ASPM: variants seen among roughly 807,000 people sequenced by gnomAD.
The protein encoded by ASPM is abnormal spindle-like microcephaly-associated protein.
Under a neutral mutation model 366.4 loss-of-function variants are expected in ASPM, and 256 were observed. The ratio of observed to expected loss-of-function variants is 0.70; its 90% CI spans 0.63 to 0.77. ASPM has a LOEUF of 0.77. Ranked by LOEUF, ASPM falls within the 30% of genes least tolerant of loss-of-function variation. The pLI is 0.00. For synonymous variants in ASPM, 1,414 were observed against 1,342.9 expected (o/e 1.05, Z -1.16); for missense variants, 4,146 against 4,090.4 (o/e 1.01, Z -0.37).
intron 4 of ASPM, among the ~76,000 whole-genome samples, chr1:197,136,910 TTATCA>T (rs1658435900): frequency 6.6e-6 from 1 of 152,134 alleles, no homozygotes; most frequent in East Asian, 1.9e-4. Flanking sequence ...TGCCTTATAG[TTATCA>T]TATAATATCA....
chr1:197,101,263 G>A lies in ASPM; in HGVS notation c.7988C>T (p.Ala2663Val), dbSNP rs778388826. Residue 2663 changes from alanine to valine, a missense_variant, in exon 18 of 28, where the codon GCA (alanine) becomes GTA (valine). Ala to Val is a moderately conservative substitution (Grantham distance 64). Transcript: ENST00000367409. Reference sequence around the variant, plus strand: ...ACAAATAACTGCTTGGGTACGCACTGCAGTTAGTTTTCTGTATCTTCTTTG... The same window carrying A: ...ACAAATAACTGCTTGGGTACGCACTACAGTTAGTTTTCTGTATCTTCTTTG... ...SIQRRYRKLT[A>V]VRTQAVICIQ... 1 of 1,612,016 alleles carries A rather than the reference G, an allele frequency of 6.2e-7. No homozygotes were observed. Among genetic ancestry groups the A allele is most frequent in the South Asian group, 1.1e-5 (1 of 91,038 alleles).
chr1:197,143,383 C>A lies in ASPM; in HGVS notation c.869G>T (p.Arg290Ile). 6.2e-7 allele frequency: 1 copy of A among 1,613,888 alleles called. No individual in the cohort carries two copies. Residue 290 changes from arginine (R) to isoleucine (I), a missense_variant, in exon 3 of 28, where the codon AGA (arginine) becomes ATA (isoleucine). This residue lies in a region of ASPM where 512 missense variants were observed against 471.7 expected (regional missense o/e 1.09). Coordinates refer to ENST00000367409, the MANE Select transcript of ASPM (RefSeq NM_018136.5). ...SFNSVNVNGQ[R>I]GENSKLSLTP... Reference sequence around the variant, plus strand: ...AAGACTAAGTTTACTATTCTCTCCTCTTTGGCCATTAACATTTACGGAATT... The same window carrying A: ...AAGACTAAGTTTACTATTCTCTCCTATTTGGCCATTAACATTTACGGAATT...
At chr1:197,127,565 T>C (rs1294560890) in intron 10 of ASPM, among the ~76,000 whole-genome samples, 5 of 152,176 alleles carry the variant, frequency 3.3e-5, no homozygotes, top group Admixed American at 2.6e-4. Context: ...AGAAATAAAA[T>C]GAGTATCTCC....
At chr1:197,138,856 GT>G in intron 4 of ASPM, 3 of 909,224 alleles carry the variant, frequency 3.3e-6, no homozygotes, top group Non-Finnish European at 5.4e-6. Context: ...CCTTCCAGTT[GT>G]TTTTTCTCTT....
chr1:197,098,463 T>C (rs1015986490), intron 18 of ASPM, among the ~76,000 whole-genome samples: 2 of 151,784 alleles, frequency 1.3e-5, no homozygotes, highest in Admixed American at 1.3e-4. Context: ...ATTATGTAAT[T>C]ATGTAAGAGA....
At chr1:197,096,925 TAAG>T (rs961262305) in intron 18 of ASPM, among the ~76,000 whole-genome samples, 7 of 151,704 alleles carry the variant, frequency 4.6e-5, no homozygotes, top group African/African-American at 1.7e-4. Context: ...AAATTGAAAT[TAAG>T]AAGGACTTGT....
At chr1:197,089,505 A>C (rs182149101) in intron 25 of ASPM, among the ~76,000 whole-genome samples, 1 of 152,146 alleles carries the variant, frequency 6.6e-6, no homozygotes, top group African/African-American at 2.4e-5. Context: ...AAATGAATCC[A>C]AATTCAACTC....
In ASPM at chr1:197,102,451, G is replaced by C. The variant is rs368581154; in HGVS notation, c.6800C>G (p.Thr2267Ser). 6.2e-7 allele frequency: 1 copy of C among 1,612,408 alleles called. No individual in the cohort carries two copies. The highest frequency in any genetic ancestry group is 1.3e-5 in the African/African-American group (1 of 74,778). ...AGTTCTAAATCTCCTCTGAATGAGA[G>C]TTGCGGCTATATGCATCATTTTTAA... The part of the protein sequence containing the change: ...RHLKMMHIAA[T>S]LIQRRFRTLM... Residue 2267 changes from threonine to serine, a missense_variant, in exon 18 of 28, where the codon ACT becomes AGT. Physicochemically the swap from Thr to Ser is moderately conservative, Grantham distance 58. This residue lies in a region of ASPM where 3,624 missense variants were observed against 3,591.7 expected (regional missense o/e 1.01). Coordinates refer to ENST00000367409, the MANE Select transcript of ASPM (RefSeq NM_018136.5).
At chr1:197,138,639 GCCA>G (rs1658489626) in intron 4 of ASPM, 2 of 498,446 alleles carry the variant, frequency 4.0e-6, no homozygotes. Flanking sequence ...CAATAAGCAA[GCCA>G]ATTTTTAAAA....
Position 197,122,013 on chromosome 1 carries a change from C to T in ASPM, c.3772G>A (p.Ala1258Thr), listed in dbSNP as rs142214506. ...TCTTTACGAAGATCCAAAAGCCTTG[C>T]ACAAAGAAATGACAAATAGGTAATA... is the stretch of plus-strand genomic sequence containing the variant. The part of the protein sequence containing the change: ...VVITYLSFLC[A>T]RLLDLRKEIR... The change falls in exon 16 of 28, where the codon GCA becomes ACA. Residue 1258 changes from alanine (A) to threonine (T), a missense_variant. By Grantham distance (58) the Ala-to-Thr change is moderately conservative (BLOSUM62 0). Coordinates refer to ENST00000367409, the MANE Select transcript of ASPM (RefSeq NM_018136.5). 5.5e-5 allele frequency: 89 copies of T among 1,612,068 alleles called. No individual in the cohort carries two copies. The African/African-American group carries it at 1.1e-3, about 20-fold the overall frequency.
chr1:197,108,521 A>G lies in ASPM; in HGVS notation c.4066-3336T>C, dbSNP rs146733338. On this transcript the variant is annotated intron_variant, in intron 17 of 27. Coordinates refer to ENST00000367409, the MANE Select transcript of ASPM (RefSeq NM_018136.5). ...ATCAATATCAGGAATGAAAAAGGGAATATCACTACAGACTACCCAGGCATC... is the reference window on the plus strand; with the variant it reads ...ATCAATATCAGGAATGAAAAAGGGAGTATCACTACAGACTACCCAGGCATC... Among the ~76,000 whole-genome samples, 438 of 152,238 alleles carry G rather than the reference A, an allele frequency of 2.9e-3. 3 individuals carry two copies. The highest frequency in any genetic ancestry group is 0.01 in the Middle Eastern group (3 of 294).
intron 16 of ASPM, among the ~76,000 whole-genome samples, chr1:197,119,288 T>C (rs1657835691): frequency 1.3e-5 from 2 of 152,156 alleles, no homozygotes; most frequent in African/African-American, 4.8e-5. Flanking sequence ...GTGAAACCTA[T>C]GGGCTTTAGG....
At chr1:197,126,355 C>G (rs957999179) in intron 10 of ASPM, among the ~76,000 whole-genome samples, 1 of 145,648 alleles carries the variant, frequency 6.9e-6, no homozygotes, top group African/African-American at 2.6e-5. Flanking sequence ...GCAGGAGAAT[C>G]GCTAGAACAC....
At chr1:197,091,765 C>T in intron 22 of ASPM, 142 bp downstream of exon 22, 1 of 838,590 alleles carries the variant, frequency 1.2e-6, no homozygotes, top group Non-Finnish European at 1.8e-6. Flanking sequence ...TTCTAACCCT[C>T]AAATCATTGT....
At chr1:197,097,085 G>C (rs1225888216) in intron 18 of ASPM, among the ~76,000 whole-genome samples, 1 of 151,586 alleles carries the variant, frequency 6.6e-6, no homozygotes, top group Non-Finnish European at 1.5e-5. Context: ...TTCCCCTTGG[G>C]AAGAGAAAGG....
chr1:197,115,882 G>T (rs775617638), intron 17 of ASPM, among the ~76,000 whole-genome samples: 8 of 152,130 alleles, frequency 5.3e-5, no homozygotes, highest in Non-Finnish European at 1.2e-4. Context: ...TTTTCAGAAG[G>T]ATAAATAAGC....
chr1:197,146,141 C>A lies in ASPM; in HGVS notation c.297G>T (p.Gln99His), dbSNP rs1658769586. Residue 99 changes from glutamine to histidine, a missense_variant and splice_region_variant, in exon 1 of 28, where the codon CAG becomes CAT. Coordinates refer to ENST00000367409, the MANE Select transcript of ASPM (RefSeq NM_018136.5). ...FSVSQRCFVL[Q>H]PKEKIVISVN... is the part of the protein sequence containing the mutation. ...GGAGCACGCTCCTCCTGAGACCTAC[C>A]TGCAACACGAAACAGCGCTGCGACA... The A allele has an allele frequency of 2.5e-6, 4 of 1,614,030 alleles. No individual in the cohort carries two copies. Among genetic ancestry groups the A allele is most frequent in the Non-Finnish European group, 3.4e-6 (4 of 1,179,986 alleles).
intron 17 of ASPM, among the ~76,000 whole-genome samples, chr1:197,105,534 A>G (rs1418991227): frequency 1.3e-5 from 2 of 151,994 alleles, no homozygotes; most frequent in Non-Finnish European, 1.5e-5. Context: ...GTAATTTCCT[A>G]TGAGTTTATT....
chr1:197,089,037 T>G (rs1456691955), intron 25 of ASPM, among the ~76,000 whole-genome samples: 1 of 152,062 alleles, frequency 6.6e-6, no homozygotes, highest in South Asian at 2.1e-4. Context: ...ACCCTTTGTA[T>G]GGCATGTTTA....
Sources: gnomAD v4.1 joint callset for allele counts (sites outside exome capture counted in the v4.1 genomes callset) on GRCh38, gnomAD v4.1.1 for gene constraint, gnomAD v4.1.1 regional missense constraint, MANE v1.5 for transcripts, NCBI Gene and HGNC (gene_info 2026-07-23, HGNC 2026-07-21) for gene names.